Variants in DTD1 observed in about 807,000 individuals in gnomAD.
DTD1 encodes the protein D-tyrosyl-tRNA deacylase 1 homolog.
A neutral mutation model predicts 25.6 loss-of-function variants in DTD1; 13 were observed. The observed-to-expected ratio is 0.51, with a 90% CI of 0.33 to 0.81. The LOEUF is 0.81. Among genes scored for constraint, DTD1 ranks in the 30% least tolerant of loss-of-function variants. The pLI, the probability that DTD1 is intolerant of heterozygous loss-of-function variation, is 0.02. For missense variants in DTD1, 193 were observed against 266.4 expected (o/e 0.72, Z 1.92); for synonymous variants, 110 against 103.6 (o/e 1.06, Z -0.37).
At chr20:18,631,796 C>T (rs746844001) in intron 4 of DTD1, 183 of 985,058 alleles carry the variant, frequency 1.9e-4, no homozygotes, top group Non-Finnish European at 2.1e-4. Context: ...TCTGCTTTAA[C>T]TCTATTTGGA....
At position 18,588,122 on chromosome 20, in the gene DTD1, C is replaced by G; in HGVS notation, c.43+7C>G. The G allele has an allele frequency of 7.9e-7, 1 of 1,272,296 alleles. No homozygotes were observed. The highest frequency in any genetic ancestry group is 3.2e-5 in the East Asian group (1 of 31,046). 78.8% of individuals were successfully genotyped at this position (1,272,296 alleles called of 1,614,324 possible). On this transcript the variant is annotated splice_region_variant and intron_variant, in intron 1 of 5. Transcript: ENST00000377452. ...ACCCGGGCCAGCGTCACAGGTCAGT[C>G]GGGCGGGGCCGGGCCCGGGAGGAGC...
At chr20:18,663,155 T>A (rs2060918041) in intron 4 of DTD1, among the ~76,000 whole-genome samples, 1 of 152,120 alleles carries the variant, frequency 6.6e-6, no homozygotes, top group Non-Finnish European at 1.5e-5. Flanking sequence ...GGCATCCAAG[T>A]TTCATGGGAT....
chr20:18,592,312 A>G (rs2060592709), intron 1 of DTD1: 2 of 152,190 alleles, frequency 1.3e-5, no homozygotes, highest in Non-Finnish European at 2.9e-5. Flanking sequence ...CAAAAGCACC[A>G]CTTGAAATAC....
At chr20:18,589,372 A>C (rs961519420) in intron 1 of DTD1, among the ~76,000 whole-genome samples, 2 of 118,332 alleles carry the variant, frequency 1.7e-5, no homozygotes, top group Non-Finnish European at 3.7e-5. Context: ...AACAAACAAA[A>C]CCCCAAAACA....
At chr20:18,701,000 C>T (rs6081311) in intron 4 of DTD1, among the ~76,000 whole-genome samples, 47,288 of 152,130 alleles carry the variant, frequency 0.31, 8,151 homozygotes, top group South Asian at 0.43. Flanking sequence ...ATATTTTTCA[C>T]AATGGTCAGT....
chr20:18,694,533 C>T (rs191605715), intron 4 of DTD1, among the ~76,000 whole-genome samples: 109 of 152,262 alleles, frequency 7.2e-4, no homozygotes, highest in South Asian at 1.9e-3. Context: ...GCTATTATTA[C>T]GGTAACCTTT....
At chr20:18,689,226 C>A (rs191904995) in intron 4 of DTD1, among the ~76,000 whole-genome samples, 4 of 152,128 alleles carry the variant, frequency 2.6e-5, no homozygotes, top group Non-Finnish European at 5.9e-5. Flanking sequence ...CCTTTTCCCT[C>A]CCATGTGAAC....
intron 5 of DTD1, among the ~76,000 whole-genome samples, chr20:18,746,009 G>A (rs930778905): frequency 2.0e-5 from 3 of 151,570 alleles, no homozygotes; most frequent in Non-Finnish European, 4.4e-5. Flanking sequence ...ATTGAAAGAT[G>A]TAAAGGAAAT....
chr20:18,721,824 G>A (rs1007585608), intron 4 of DTD1, among the ~76,000 whole-genome samples: 2 of 152,088 alleles, frequency 1.3e-5, no homozygotes, highest in Non-Finnish European at 2.9e-5. Flanking sequence ...GGGAAGCTGT[G>A]GGGGCTGGGT....
At chr20:18,629,086 T>C (rs535192812) in intron 4 of DTD1, among the ~76,000 whole-genome samples, 71 of 139,304 alleles carry the variant, frequency 5.1e-4, no homozygotes, top group Non-Finnish European at 8.8e-4. Context: ...AACCTCCGCC[T>C]CCTGGGTTCA....
At chr20:18,623,874 C>CTGTGTGTGTATGTG (rs2060746121) in intron 3 of DTD1, among the ~76,000 whole-genome samples, 1 of 143,626 alleles carries the variant, frequency 7.0e-6, no homozygotes, top group Non-Finnish European at 1.5e-5. Flanking sequence ...ACAAGAAGAA[C>CTGTGTGTGTATGTG]TGTGTGTGTG....
intron 4 of DTD1, among the ~76,000 whole-genome samples, chr20:18,736,250 T>C (rs2061254578): frequency 6.6e-6 from 1 of 152,190 alleles, no homozygotes; most frequent in South Asian, 2.1e-4. Flanking sequence ...GTTTTAATCC[T>C]TCAAGCCTAG....
chr20:18,697,014 C>T (rs1027389721), intron 4 of DTD1, among the ~76,000 whole-genome samples: 8 of 151,556 alleles, frequency 5.3e-5, no homozygotes, highest in Non-Finnish European at 1.0e-4. Context: ...GGGCAGATCA[C>T]AAGGTCAGGA....
Position 18,765,224 on chromosome 20 carries a change from A to G in DTD1, c.*1884A>G, listed in dbSNP as rs1600229673. 6.6e-6 allele frequency: 1 copy of G among 152,274 alleles called. No homozygotes were observed. The highest frequency in any genetic ancestry group is 1.5e-5 in the Non-Finnish European group (1 of 68,088). 9.4% of individuals were successfully genotyped at this position (152,274 alleles called of 1,614,324 possible). On this transcript the variant is annotated 3_prime_UTR_variant, in exon 6 of 6. Transcript: ENST00000377452. ...GTTTCATCTGGGAGGGGAACTCTAAATGTTTGAAAGATGTGGAAGAGAAGC... is the reference window on the plus strand; with the variant it reads ...GTTTCATCTGGGAGGGGAACTCTAAGTGTTTGAAAGATGTGGAAGAGAAGC...
intron 5 of DTD1, among the ~76,000 whole-genome samples, chr20:18,746,878 C>T (rs1228297789): frequency 6.6e-6 from 1 of 152,102 alleles, no homozygotes; most frequent in Non-Finnish European, 1.5e-5. Flanking sequence ...ACTGTTCCCT[C>T]ATCACTGTGT....
intron 4 of DTD1, among the ~76,000 whole-genome samples, chr20:18,727,224 C>G (rs540375311): frequency 6.6e-6 from 1 of 152,142 alleles, no homozygotes; most frequent in Non-Finnish European, 1.5e-5. Context: ...CCACGGCTCC[C>G]GGGGGTGAGG....
chr20:18,606,934 A>G (rs1164723122), intron 3 of DTD1, among the ~76,000 whole-genome samples: 1 of 152,148 alleles, frequency 6.6e-6, no homozygotes, highest in East Asian at 1.9e-4. Context: ...TAATAAAAAA[A>G]AAAAAGCCAT....
chr20:18,604,155 A>T (rs2060647593), intron 3 of DTD1, among the ~76,000 whole-genome samples: 1 of 1,806 alleles, frequency 5.5e-4, no homozygotes, highest in South Asian at 6.5e-3. Context: ...ACCTCTACGC[A>T]AATAAACTAG....
intron 4 of DTD1, among the ~76,000 whole-genome samples, chr20:18,648,686 ATAAAAAATT>A: frequency 6.6e-6 from 1 of 152,286 alleles, no homozygotes; most frequent in African/African-American, 2.4e-5. Context: ...CCAAGGACAA[ATAAAAAATT>A]TAGATTATTG....
Sources: allele counts gnomAD v4.1 joint callset (sites outside exome capture counted in the v4.1 genomes callset), GRCh38; gene constraint gnomAD v4.1.1; transcripts MANE v1.5; gene names NCBI Gene and HGNC (gene_info 2026-07-23, HGNC 2026-07-21).